Variants in EFHC1 observed in about 807,000 individuals in gnomAD.
EFHC1 encodes EF-hand domain-containing protein 1.
EFHC1 carries 53 observed loss-of-function variants against 69.9 expected under a neutral mutation model. The observed-to-expected ratio is 0.76, with a 90% CI of 0.61 to 0.95. The LOEUF is 0.95. Among genes scored for constraint, EFHC1 ranks in the 40% least tolerant of loss-of-function variants. The pLI is 0.00. For synonymous variants in EFHC1, 256 were observed against 278.4 expected (o/e 0.92, Z 0.80); for missense variants, 739 against 798.7 (o/e 0.93, Z 0.90).
rs188824407 is a variant in EFHC1, at chr6:52,458,370, C to T, written c.916+4083C>T. Among the ~76,000 whole-genome samples the T allele has an allele frequency of 1.1e-4, 17 of 152,166 alleles. No homozygotes were observed. In the East Asian group the frequency reaches 2.7e-3, roughly 24 times the overall value. ...AAGAAGCTATCAACAGAGGAAACAG[C>T]CTACAGAATGGGAGAAAATATTTGA... On this transcript the variant is annotated intron_variant, in intron 5 of 10. Transcript: ENST00000371068.
intron 5 of EFHC1, among the ~76,000 whole-genome samples, chr6:52,460,304 G>A (rs1765136239): frequency 6.6e-6 from 1 of 152,174 alleles, no homozygotes; most frequent in Admixed American, 6.5e-5. Flanking sequence ...AATTCCATTG[G>A]TGTAAAATTA....
At chr6:52,492,213 T>G (rs935568728) in intron 10 of EFHC1, 57 bp from the exon 11 acceptor site, 21 of 1,489,678 alleles carry the variant, frequency 1.4e-5, no homozygotes, top group Middle Eastern at 1.7e-4. Context: ...ACTCTGCAGT[T>G]GAGCTGACGG....
chr6:52,426,839 CA>C (rs1764312034), intron 2 of EFHC1, among the ~76,000 whole-genome samples: 1 of 152,204 alleles, frequency 6.6e-6, no homozygotes, highest in South Asian at 2.1e-4. Context: ...ATAGTTCAGA[CA>C]AGCCAAATGA....
Position 52,495,076 on chromosome 6 carries a change from AC to A in EFHC1, c.*2739del, listed in dbSNP as rs779831832. ...GACGGGACCCAGTCTGTACCTGATC[AC>A]CCCGGCTCTAATGGTATGGTCTCCA... On this transcript the variant is annotated 3_prime_UTR_variant, in exon 11 of 11. Transcript: ENST00000371068. The A allele has an allele frequency of 6.4e-5, 29 of 453,824 alleles. No individual in the cohort carries two copies. The highest frequency in any genetic ancestry group is 1.3e-4 in the Non-Finnish European group (29 of 226,768). The allele number at this position is 453,824 out of a possible 1,614,324, so 28.1% of individuals were successfully genotyped here.
At position 52,490,154 on chromosome 6, in the gene EFHC1, A is replaced by G; in HGVS notation, c.1655A>G (p.Lys552Arg). 1 of 1,613,922 alleles carries G rather than the reference A, an allele frequency of 6.2e-7. No individual in the cohort carries two copies. Among genetic ancestry groups the G allele is most frequent in the Non-Finnish European group, 8.5e-7 (1 of 1,179,880 alleles). The change falls in exon 10 of 11, where the codon AAG becomes AGG. Residue 552 changes from lysine (K) to arginine (R), a missense_variant. Physicochemically the swap from Lys to Arg is conservative, Grantham distance 26. Coordinates refer to ENST00000371068, the MANE Select transcript of EFHC1 (RefSeq NM_018100.4). ...APEAESKQTE[K>R]DPGVQELEAL... is the part of the protein sequence containing the mutation. ...TTTCTCTACAGCAAGCAAACTGAAA[A>G]GGATCCAGGCGTGCAGGAATTGGAA...
At chr6:52,481,836 T>C (rs896457151) in intron 9 of EFHC1, 9 of 152,088 alleles carry the variant, frequency 5.9e-5, no homozygotes, top group African/African-American at 1.7e-4. Flanking sequence ...AAGGAGTTAA[T>C]GTAGCTAAAG....
intron 9 of EFHC1, among the ~76,000 whole-genome samples, chr6:52,485,012 A>C (rs1025934284): frequency 6.6e-6 from 1 of 152,140 alleles, no homozygotes; most frequent in Non-Finnish European, 1.5e-5. Flanking sequence ...TTGAAAATGC[A>C]TGTTAATTCC....
At chr6:52,446,450 G>A (rs911223488) in intron 3 of EFHC1, among the ~76,000 whole-genome samples, 1 of 152,138 alleles carries the variant, frequency 6.6e-6, no homozygotes, top group Non-Finnish European at 1.5e-5. Context: ...GAGCCTGTGT[G>A]TGTCTCTGCA....
At chr6:52,456,294 G>T (rs1036756813) in intron 5 of EFHC1, among the ~76,000 whole-genome samples, 5 of 152,300 alleles carry the variant, frequency 3.3e-5, no homozygotes, top group Middle Eastern at 6.8e-3. Context: ...CCGTCTTAGA[G>T]TTCAATGACA....
intron 3 of EFHC1, among the ~76,000 whole-genome samples, chr6:52,448,264 A>G (rs1314250641): frequency 1.3e-5 from 2 of 152,222 alleles, no homozygotes; most frequent in African/African-American, 4.8e-5. Context: ...CTCAAGCCTC[A>G]GCAATGGCGG....
chr6:52,477,465 C>T (rs548464259), intron 7 of EFHC1, among the ~76,000 whole-genome samples: 1 of 152,282 alleles, frequency 6.6e-6, no homozygotes, highest in East Asian at 1.9e-4. Context: ...TTTGTTGGAA[C>T]TGGAATTTCT....
chr6:52,429,231 A>G (rs1486530996), intron 2 of EFHC1, among the ~76,000 whole-genome samples: 1 of 152,036 alleles, frequency 6.6e-6, no homozygotes, highest in African/African-American at 2.4e-5. Context: ...TTTTTATTGC[A>G]TTTGCTTTTG....
At chr6:52,450,703 G>T (rs773834828) in intron 3 of EFHC1, among the ~76,000 whole-genome samples, 2 of 152,018 alleles carry the variant, frequency 1.3e-5, no homozygotes, top group Admixed American at 6.6e-5. Flanking sequence ...GTGTCATTGC[G>T]TGTGAGATAG....
Position 52,438,510 on chromosome 6 carries a change from T to C in EFHC1, c.492T>C (p.His164=), listed in dbSNP as rs1308771531. 4 of 1,613,966 alleles carry C rather than the reference T, an allele frequency of 2.5e-6. No homozygotes were observed. The African/African-American group carries it at 4.0e-5, about 16-fold the overall frequency. The change falls in exon 3 of 11, where the codon CAT becomes CAC. Residue 164 remains histidine, a synonymous_variant. Coordinates refer to ENST00000371068, the MANE Select transcript of EFHC1 (RefSeq NM_018100.4). ...LAKNDRGDHY[H]WKDLNRGINI... ...AGAATGACCGGGGTGACCATTACCA[T>C]TGGAAAGACCTAAATCGAGGAATAA...
At chr6:52,464,773 T>G (rs975315319) in intron 5 of EFHC1, 122 bp from the exon 6 acceptor site, 5 of 796,602 alleles carry the variant, frequency 6.3e-6, no homozygotes, top group Non-Finnish European at 1.1e-5. Context: ...AGACCCTGAC[T>G]CTTGACCAGA....
intron 10 of EFHC1, 96 bp downstream of exon 10, chr6:52,490,446 CCAGATTTAGGATGTT>C (rs1388035305): frequency 1.9e-6 from 2 of 1,058,982 alleles, no homozygotes; most frequent in Non-Finnish European, 2.9e-6. Context: ...TACAACTGGG[CCAGATTTAGGATGTT>C]CAGATCAGAT....
intron 3 of EFHC1, among the ~76,000 whole-genome samples, chr6:52,449,995 G>T (rs1006316237): frequency 6.6e-6 from 1 of 152,140 alleles, no homozygotes; most frequent in Non-Finnish European, 1.5e-5. Flanking sequence ...AGAGATTCTG[G>T]TATGTCATAT....
intron 6 of EFHC1, among the ~76,000 whole-genome samples, chr6:52,465,817 AT>A (rs1256668696): frequency 6.7e-6 from 1 of 148,488 alleles, no homozygotes. Flanking sequence ...TCTCAAAAAA[AT>A]ATGTATATAT....
At chr6:52,447,759 G>A (rs1764819766) in intron 3 of EFHC1, among the ~76,000 whole-genome samples, 1 of 152,150 alleles carries the variant, frequency 6.6e-6, no homozygotes, top group Admixed American at 6.5e-5. Context: ...TGGTGTGGAT[G>A]TCCTTTCTGT....
Sources: gnomAD v4.1 joint callset for allele counts (sites outside exome capture counted in the v4.1 genomes callset) on GRCh38, gnomAD v4.1.1 for gene constraint, MANE v1.5 for transcripts, NCBI Gene and HGNC (gene_info 2026-07-23, HGNC 2026-07-21) for gene names.